Variants in TOP3A observed in about 807,000 individuals in gnomAD.
The protein encoded by TOP3A is DNA topoisomerase 3-alpha.
Under a neutral mutation model 111.3 loss-of-function variants are expected in TOP3A, and 64 were observed. That is an observed-to-expected ratio of 0.57 (90% confidence interval 0.47 to 0.71). The LOEUF is 0.71. Ranked by LOEUF, TOP3A falls within the 30% of genes least tolerant of loss-of-function variation. The probability of loss-of-function intolerance (pLI) is 0.00; values close to 1 mark genes in which losing one functional copy is unlikely to be tolerated. For synonymous variants in TOP3A, 484 were observed against 485.1 expected (o/e 1.00, Z 0.03); for missense variants, 1,104 against 1,285.0 (o/e 0.86, Z 2.15).
In TOP3A at chr17:18,277,997, G is replaced by T; in HGVS notation, c.2505C>A (p.Phe835Leu). ...RKEGPNRGRQ[F>L]FKCNGGSCNF... ...TGCAGCTACCTCCGTTGCACTTAAA[G>T]AACTGCCGGCCCCGGTTGGGGCCCT... Residue 835 changes from phenylalanine to leucine, a missense_variant, in exon 18 of 19, where the codon TTC becomes TTA. Phe to Leu is a conservative substitution (Grantham distance 22). Transcript: ENST00000321105. 6.2e-7 allele frequency: 1 copy of T among 1,614,160 alleles called. No homozygotes were observed.
chr17:18,308,431 G>T lies in TOP3A; in HGVS notation c.241-7C>A. The T allele has an allele frequency of 6.3e-7, 1 of 1,578,600 alleles. No homozygotes were observed. Among genetic ancestry groups the T allele is most frequent in the South Asian group, 1.2e-5 (1 of 85,284 alleles). On this transcript the variant is annotated splice_region_variant and splice_polypyrimidine_tract_variant and intron_variant, in intron 2 of 18. Transcript: ENST00000321105. ...TCATTACCATGGTAACATTCTGAAT[G>T]ATGACAAAATTCAAAATTCAGTTAG... is the stretch of plus-strand genomic sequence containing the variant.
chr17:18,297,437 T>C (rs992950123), intron 9 of TOP3A, among the ~76,000 whole-genome samples: 8 of 151,482 alleles, frequency 5.3e-5, no homozygotes, highest in Non-Finnish European at 1.2e-4. Flanking sequence ...TCCCTGTCCC[T>C]GTCCCTCTCC....
chr17:18,291,954 T>C (rs4925163), intron 11 of TOP3A, among the ~76,000 whole-genome samples: 58,698 of 152,046 alleles, frequency 0.39, 12,979 homozygotes, highest in African/African-American at 0.61. Context: ...CCTCGTGATC[T>C]ACCCGCCTTG....
chr17:18,280,897 A>G (rs1979718887), intron 16 of TOP3A, among the ~76,000 whole-genome samples: 1 of 152,202 alleles, frequency 6.6e-6, no homozygotes, highest in Admixed American at 6.5e-5. Context: ...ACCAACAACC[A>G]ACCAAGCTGA....
chr17:18,290,645 G>A lies in TOP3A; in HGVS notation c.1509C>T (p.Ser503=), dbSNP rs370346946. 2 of 1,610,118 alleles carry A rather than the reference G, an allele frequency of 1.2e-6. No homozygotes were observed. The highest frequency in any genetic ancestry group is 1.7e-6 in the Non-Finnish European group (2 of 1,177,432). The change falls in exon 13 of 19, where the codon AGC becomes AGT. Residue 503 remains serine (S), a synonymous_variant. Coordinates refer to ENST00000321105, the MANE Select transcript of TOP3A (RefSeq NM_004618.5). ...TCTCCCCGTCCACCATCTCCACGGTGCTGGGCTGAAAGTGGGATCCTTGCT... is the reference window on the plus strand; with the variant it reads ...TCTCCCCGTCCACCATCTCCACGGTACTGGGCTGAAAGTGGGATCCTTGCT... ...VYEQGSHFQP[S]TVEMVDGETS... is the part of the protein sequence containing the mutation.
intron 9 of TOP3A, among the ~76,000 whole-genome samples, chr17:18,298,595 G>GT (rs989534296): frequency 6.6e-6 from 1 of 151,822 alleles, no homozygotes; most frequent in African/African-American, 2.4e-5. Flanking sequence ...GACAATGGAG[G>GT]TTTTGTGGAA....
chr17:18,271,501 G>A lies in TOP3A; in HGVS notation c.*3301C>T, dbSNP rs1406115325. Reference sequence around the variant, plus strand: ...CACTAGAGAGCCTCAATATGAACAAGGACACCCCATTACGGATGAGGCAAC... The same window carrying A: ...CACTAGAGAGCCTCAATATGAACAAAGACACCCCATTACGGATGAGGCAAC... On this transcript the variant is annotated 3_prime_UTR_variant, in exon 19 of 19. Transcript: ENST00000321105. 1 of 186,146 alleles carries A rather than the reference G, an allele frequency of 5.4e-6. No homozygotes were observed. Among genetic ancestry groups the A allele is most frequent in the Admixed American group, 6.2e-5 (1 of 16,204 alleles). 11.5% of individuals were successfully genotyped at this position (186,146 alleles called of 1,614,324 possible).
Position 18,299,541 on chromosome 17 carries a change from A to G in TOP3A, c.990+18T>C, listed in dbSNP as rs1261366382. 1.9e-6 allele frequency: 3 copies of G among 1,613,226 alleles called. No individual in the cohort carries two copies. The highest frequency in any genetic ancestry group is 1.7e-5 in the Admixed American group (1 of 60,024). On this transcript the variant is annotated intron_variant, in intron 9 of 18. Transcript: ENST00000321105. ...TAAGTGTTCCCCGAGTGCCTGAAAC[A>G]GCCTGTCTGGAACATACCACAGTGT...
chr17:18,294,843 C>A, intron 9 of TOP3A, 58 bp from the exon 10 acceptor site: 1 of 1,128,582 alleles, frequency 8.9e-7, no homozygotes, highest in Non-Finnish European at 1.3e-6. Flanking sequence ...CAGCACAACT[C>A]AAATACACAA....
chr17:18,303,828 C>T (rs1038798040), intron 5 of TOP3A, among the ~76,000 whole-genome samples: 5 of 151,296 alleles, frequency 3.3e-5, no homozygotes, highest in Non-Finnish European at 1.5e-5. Context: ...GCGCCGGTCC[C>T]CTGGGCCCAC....
rs1457874968 is a variant in TOP3A, at chr17:18,273,131, C to T, written c.*1671G>A. 1 of 152,174 alleles carries T rather than the reference C, an allele frequency of 6.6e-6. No homozygotes were observed. The highest frequency in any genetic ancestry group is 2.4e-5 in the African/African-American group (1 of 41,422). 9.4% of individuals were successfully genotyped at this position (152,174 alleles called of 1,614,324 possible). A position where few individuals can be genotyped will look rare whatever the true frequency, so the allele number is the denominator to read the frequency against. On this transcript the variant is annotated 3_prime_UTR_variant, in exon 19 of 19. Coordinates refer to ENST00000321105, the MANE Select transcript of TOP3A (RefSeq NM_004618.5). ...GAACCTGCATTTGTAAAAATCCTCC[C>T]CAATACCCCATCAGAACACAGAGCC...
chr17:18,305,171 G>C lies in TOP3A; in HGVS notation c.440C>G (p.Thr147Ser). The C allele has an allele frequency of 6.2e-7, 1 of 1,614,166 alleles. No homozygotes were observed. The highest frequency in any genetic ancestry group is 8.5e-7 in the Non-Finnish European group (1 of 1,180,046). ...TRQCQALVIWTDCDREGENIG... is the reference protein window; with the variant it reads ...TRQCQALVIWSDCDREGENIG... ...GTTTTCGCCTTCTCTATCACAGTCA[G>C]TCCAGATCACCAGAGCCTGGCACTG... Residue 147 changes from threonine (T) to serine (S), a missense_variant, in exon 5 of 19, where the codon ACT (threonine) becomes AGT (serine). Thr to Ser is a moderately conservative substitution (Grantham distance 58, BLOSUM62 1). Coordinates refer to ENST00000321105, the MANE Select transcript of TOP3A (RefSeq NM_004618.5).
At chr17:18,307,192 C>T (rs1433575887) in intron 3 of TOP3A, 5 of 409,888 alleles carry the variant, frequency 1.2e-5, no homozygotes, top group African/African-American at 6.0e-5. Context: ...CAGGTAAATG[C>T]AATCCAATGG....
chr17:18,288,096 TAA>T (rs1980221894), intron 13 of TOP3A, among the ~76,000 whole-genome samples: 1 of 149,040 alleles, frequency 6.7e-6, no homozygotes, highest in Non-Finnish European at 1.5e-5. Flanking sequence ...TTGAAGGAGA[TAA>T]ACTGTATGGT....
At chr17:18,284,679 G>A (rs1007237773) in intron 15 of TOP3A, among the ~76,000 whole-genome samples, 1 of 151,778 alleles carries the variant, frequency 6.6e-6, no homozygotes, top group Non-Finnish European at 1.5e-5. Flanking sequence ...ACCTCTAAAT[G>A]CTCCAGAAAA....
rs775301388 is a variant in TOP3A at position 18,301,875 on chromosome 17, G to A, written c.915+10C>T. On this transcript the variant is annotated intron_variant, in intron 8 of 18. Coordinates refer to ENST00000321105, the MANE Select transcript of TOP3A (RefSeq NM_004618.5). ...TGCAGAATGTTTCCTAGATCATTAG[G>A]GGTTCTTACCTCCACACACAACTGA... is the stretch of plus-strand genomic sequence containing the variant. 3 of 1,610,486 alleles carry A rather than the reference G, an allele frequency of 1.9e-6. No homozygotes were observed. The African/African-American group carries it at 4.0e-5, about 22-fold the overall frequency.
At chr17:18,288,166 T>C (rs988031151) in intron 13 of TOP3A, among the ~76,000 whole-genome samples, 1 of 133,982 alleles carries the variant, frequency 7.5e-6, no homozygotes, top group African/African-American at 2.6e-5. Context: ...TTTTTTTTTT[T>C]TTTTTAGATG....
At chr17:18,308,507 T>G in intron 2 of TOP3A, 83 bp from the exon 3 acceptor site, 1 of 945,312 alleles carries the variant, frequency 1.1e-6, no homozygotes, top group East Asian at 2.7e-5. Flanking sequence ...AGGGAGGAGC[T>G]TCTATTAAAG....
At position 18,314,629 on chromosome 17, in the gene TOP3A, G is replaced by T; in HGVS notation, c.150C>A (p.Ala50=). The T allele has an allele frequency of 6.2e-7, 1 of 1,611,732 alleles. No homozygotes were observed. The highest frequency in any genetic ancestry group is 8.5e-7 in the Non-Finnish European group (1 of 1,178,842). ...AEKNDAAKGI[A]DLLSNGRMRR... ...TCATGCGACCGTTTGACAGCAGGTC[G>T]GCGATCCCCTTGGCCGCGTCGTTTT... Residue 50 remains alanine, a synonymous_variant, in exon 1 of 19, where the codon GCC becomes GCA. Transcript: ENST00000321105.
Sources: allele counts gnomAD v4.1 joint callset (sites outside exome capture counted in the v4.1 genomes callset), GRCh38; gene constraint gnomAD v4.1.1; transcripts MANE v1.5; gene names NCBI Gene and HGNC (gene_info 2026-07-23, HGNC 2026-07-21).